The following CLECL1 variants were observed in gnomAD, a reference collection of about 807,000 sequenced individuals.
CLECL1 encodes C-type lectin-like domain family 1.
At chr12:9,715,212 T>C (rs1056635724), downstream of CLECL1, among the ~76,000 whole-genome samples, 4 of 152,204 alleles carry the variant, frequency 2.6e-5, no homozygotes, top group African/African-American at 9.6e-5. Context: ...GATGTACTTA[T>C]TTTCTGCTGC....
downstream of CLECL1, among the ~76,000 whole-genome samples, chr12:9,715,209 T>G (rs1466196390): frequency 6.6e-6 from 1 of 152,218 alleles, no homozygotes; most frequent in Non-Finnish European, 1.5e-5. Flanking sequence ...ACAGATGTAC[T>G]TATTTTCTGC....
intron 3 of CLECL1, among the ~76,000 whole-genome samples, chr12:9,726,182 A>G (rs1410754113): frequency 2.6e-5 from 4 of 152,080 alleles, no homozygotes; most frequent in African/African-American, 9.6e-5. Flanking sequence ...TTTGGTCACC[A>G]AGGACTTTAG....
At chr12:9,725,726 T>C (rs1479577336) in intron 3 of CLECL1, among the ~76,000 whole-genome samples, 1 of 152,106 alleles carries the variant, frequency 6.6e-6, no homozygotes, top group Non-Finnish European at 1.5e-5. Flanking sequence ...ATGTTTTCAC[T>C]ACAAGACCAT....
chr12:9,715,674 C>T (rs112366973), downstream of CLECL1, among the ~76,000 whole-genome samples: 9 of 152,282 alleles, frequency 5.9e-5, no homozygotes, highest in Middle Eastern at 3.4e-3. Context: ...TCCTCCTCTA[C>T]CTCCAGCATC....
chr12:9,718,704 T>C (rs1275888386), downstream of CLECL1: 1 of 700,118 alleles, frequency 1.4e-6, no homozygotes, highest in African/African-American at 1.7e-5. Flanking sequence ...GAAATTTGGA[T>C]ACACAGAGAC....
chr12:9,721,692 C>T (rs1158035114), downstream of CLECL1, among the ~76,000 whole-genome samples: 2 of 152,206 alleles, frequency 1.3e-5, no homozygotes, highest in African/African-American at 4.8e-5. Context: ...TTAGACAACA[C>T]TCTTTTTAGA....
chr12:9,729,220 A>G (rs1196311696), intron 2 of CLECL1, among the ~76,000 whole-genome samples: 1 of 152,130 alleles, frequency 6.6e-6, no homozygotes, highest in Non-Finnish European at 1.5e-5. Flanking sequence ...GGAGTAGCAG[A>G]TATGAATAAG....
intron 1 of CLECL1, among the ~76,000 whole-genome samples, chr12:9,730,627 G>C (rs913577208): frequency 6.6e-6 from 1 of 152,058 alleles, no homozygotes; most frequent in Non-Finnish European, 1.5e-5. Context: ...CAAAATTGTG[G>C]GAGTCAAGTC....
At chr12:9,710,389 C>T in the CLECL1 span, among the ~76,000 whole-genome samples, 1 of 152,202 alleles carries the variant, frequency 6.6e-6, no homozygotes, top group Non-Finnish European at 1.5e-5. Flanking sequence ...GCAGCTAAGA[C>T]CAGTCATTGT....
downstream of CLECL1, among the ~76,000 whole-genome samples, chr12:9,720,076 G>A (rs976106496): frequency 2.6e-5 from 4 of 152,130 alleles, no homozygotes; most frequent in Non-Finnish European, 5.9e-5. Context: ...CTGAGTGAGT[G>A]CCTGTAATGT....
chr12:9,723,468 A>C (rs1866339849), intron 3 of CLECL1, among the ~76,000 whole-genome samples: 1 of 151,870 alleles, frequency 6.6e-6, no homozygotes, highest in Non-Finnish European at 1.5e-5. Flanking sequence ...ACGCACGCAC[A>C]CACATGACCT....
chr12:9,720,480 T>C (rs1591716257), downstream of CLECL1, among the ~76,000 whole-genome samples: 1 of 151,920 alleles, frequency 6.6e-6, no homozygotes, highest in South Asian at 2.1e-4. Flanking sequence ...GTAGCTGGGA[T>C]TACAGGCATC....
At chr12:9,733,451 G>C (rs777425142), upstream of CLECL1, among the ~76,000 whole-genome samples, 17 of 152,150 alleles carry the variant, frequency 1.1e-4, no homozygotes, top group South Asian at 3.5e-3. Flanking sequence ...TAGCTATTTG[G>C]GAAACAGAAC....
At chr12:9,719,824 A>T (rs1259547437), downstream of CLECL1, among the ~76,000 whole-genome samples, 3 of 152,218 alleles carry the variant, frequency 2.0e-5, no homozygotes, top group Non-Finnish European at 4.4e-5. Context: ...AAATTCCTGT[A>T]ATGACAGCTG....
intron 2 of CLECL1, among the ~76,000 whole-genome samples, chr12:9,728,398 G>T (rs1866406294): frequency 6.6e-6 from 1 of 151,514 alleles, no homozygotes; most frequent in African/African-American, 2.4e-5. Flanking sequence ...TAATTCTTAT[G>T]TTGATACATC....
downstream of CLECL1, among the ~76,000 whole-genome samples, chr12:9,717,948 A>G (rs1403001546): frequency 1.3e-5 from 2 of 151,882 alleles, no homozygotes. Flanking sequence ...AATATTATAC[A>G]TTTCCCTCTA....
chr12:9,731,259 C>T (rs533410103), intron 1 of CLECL1, among the ~76,000 whole-genome samples: 2 of 152,232 alleles, frequency 1.3e-5, no homozygotes, highest in East Asian at 1.9e-4. Flanking sequence ...TCGTCTAATG[C>T]GATTCATTTA....
chr12:9,715,353 T>C (rs911812240), downstream of CLECL1, among the ~76,000 whole-genome samples: 2 of 152,224 alleles, frequency 1.3e-5, no homozygotes, highest in African/African-American at 4.8e-5. Context: ...ATTACTTTAC[T>C]TGCGTCACTT....
chr12:9,722,696 TC>T (rs766195930), exon 4 of CLECL1: 1 of 1,613,956 alleles, frequency 6.2e-7, no homozygotes, highest in Admixed American at 1.7e-5. Context: ...TATGGCACAG[TC>T]ATTTTGACTT....
Sources: allele counts gnomAD v4.1 joint callset (sites outside exome capture counted in the v4.1 genomes callset), GRCh38; gene constraint gnomAD v4.1.1; transcripts MANE v1.5; gene names NCBI Gene and HGNC (gene_info 2026-07-23, HGNC 2026-07-21).